TENM1: variants seen among roughly 807,000 people sequenced by gnomAD.
The protein encoded by TENM1 is teneurin transmembrane protein 1, also known as teneurin-1.
Under a neutral mutation model 174.8 loss-of-function variants are expected in TENM1, and 35 were observed. The observed-to-expected ratio is 0.20, with a 90% CI of 0.15 to 0.27. The LOEUF (loss-of-function observed/expected upper bound fraction) is 0.27, where lower values mean the gene tolerates loss of function less well. Among genes scored for constraint, TENM1 ranks in the 10% least tolerant of loss-of-function variants. The pLI is 1.00. For missense variants in TENM1, 1,633 were observed against 2,130.1 expected (o/e 0.77, Z 4.59); for synonymous variants, 781 against 798.7 (o/e 0.98, Z 0.37).
At chrX:124,420,696 C>T in exon 25 of TENM1, 1 of 1,211,674 alleles carries the variant, frequency 8.3e-7, no homozygotes, top group Non-Finnish European at 1.1e-6. Flanking sequence ...TTCAGGTGGG[C>T]TTGGTTCCTG....
chrX:125,185,833 G>A, the TENM1 span, among the ~76,000 whole-genome samples: 1 of 112,155 alleles, frequency 8.9e-6, no homozygotes, highest in African/African-American at 3.2e-5. Flanking sequence ...TGAGGGTTGT[G>A]AATATAAGAA....
At chrX:125,003,117 T>C in the TENM1 span, among the ~76,000 whole-genome samples, 5 of 111,726 alleles carry the variant, frequency 4.5e-5, no homozygotes, top group Non-Finnish European at 9.4e-5. Context: ...ATGTCAGTAT[T>C]AGAAATGGCC....
At chrX:124,602,812 A>G (rs1309029901) in intron 11 of TENM1, among the ~76,000 whole-genome samples, 1 of 111,561 alleles carries the variant, frequency 9.0e-6, no homozygotes, top group Non-Finnish European at 1.9e-5. Context: ...GAAACTGAAG[A>G]TGTCTTACCA....
intron 20 of TENM1, among the ~76,000 whole-genome samples, chrX:124,489,394 T>A (rs778236440): frequency 8.9e-6 from 1 of 112,361 alleles, no homozygotes; most frequent in South Asian, 3.7e-4. Context: ...TACCATAAAA[T>A]TCACCCTTCT....
At chrX:124,564,605 G>T (rs749299662) in intron 12 of TENM1, among the ~76,000 whole-genome samples, 15 of 111,564 alleles carry the variant, frequency 1.3e-4, no homozygotes, top group Middle Eastern at 4.7e-3. Flanking sequence ...ACCTTTCTAT[G>T]CAAAGATTTC....
At chrX:124,773,988 G>A (rs967561254) in intron 3 of TENM1, among the ~76,000 whole-genome samples, 5 of 111,597 alleles carry the variant, frequency 4.5e-5, no homozygotes, top group African/African-American at 1.3e-4. Flanking sequence ...ATGCAAATAA[G>A]ATCACAACCT....
chrX:124,414,490 G>A (rs1048305340), intron 25 of TENM1, among the ~76,000 whole-genome samples: 25 of 110,000 alleles, frequency 2.3e-4, no homozygotes, highest in Admixed American at 6.8e-4. Flanking sequence ...CACCTGTGCC[G>A]CCTCAGGCCA....
At chrX:124,471,260 TAATATATAGTAC>T (rs1481779097) in intron 22 of TENM1, among the ~76,000 whole-genome samples, 1 of 60,558 alleles carries the variant, frequency 1.7e-5, no homozygotes, top group Non-Finnish European at 2.7e-5. Context: ...ATATATATTA[TAATATATAGTAC>T]TATATATAAT....
chrX:125,025,260 G>T, the TENM1 span, among the ~76,000 whole-genome samples: 4 of 110,385 alleles, frequency 3.6e-5, no homozygotes, highest in Non-Finnish European at 7.6e-5. Context: ...ATACTATTGT[G>T]TTTTTCTGGG....
At chrX:124,649,112 A>C (rs1297538637) in intron 8 of TENM1, among the ~76,000 whole-genome samples, 1 of 112,169 alleles carries the variant, frequency 8.9e-6, no homozygotes, top group East Asian at 2.8e-4. Flanking sequence ...GTGTTTTTCT[A>C]TTTATGTTGG....
chrX:124,541,959 C>T (rs1232824368), intron 15 of TENM1, among the ~76,000 whole-genome samples: 1 of 111,901 alleles, frequency 8.9e-6, no homozygotes, highest in African/African-American at 3.2e-5. Flanking sequence ...CTCTTGGAGC[C>T]CTAGGCTACC....
intron 22 of TENM1, among the ~76,000 whole-genome samples, chrX:124,476,490 A>G (rs778191276): frequency 8.9e-6 from 1 of 111,924 alleles, no homozygotes; most frequent in Admixed American, 9.5e-5. Context: ...GGCTGTTTGC[A>G]CTTGTCTGGA....
rs201897827 is a variant in TENM1 at position 124,817,618 on chromosome X, TA to T, written c.535+76677del. Among the ~76,000 whole-genome samples the T allele has an allele frequency of 4.3e-3, 477 of 111,646 alleles. 2 individuals carry two copies. Among genetic ancestry groups the T allele is most frequent in the African/African-American group, 0.014 (443 of 30,734 alleles). On this transcript the variant is annotated intron_variant, in intron 3 of 31. Transcript: ENST00000422452. ...AGAGGAAACTAAGGCTCTGAGATGT[TA>T]AGAAACTTGCCCAAATTACACAGCA...
At chrX:124,412,389 G>A (rs746111397) in intron 25 of TENM1, among the ~76,000 whole-genome samples, 1 of 112,553 alleles carries the variant, frequency 8.9e-6, no homozygotes, top group African/African-American at 3.2e-5. Flanking sequence ...AAATATATTT[G>A]GCCTGGTATT....
At chrX:125,200,678 A>G in the TENM1 span, among the ~76,000 whole-genome samples, 5 of 106,709 alleles carry the variant, frequency 4.7e-5, no homozygotes, top group Non-Finnish European at 7.8e-5. Context: ...AGAGAGAGAG[A>G]ACAAATATGA....
At chrX:124,993,321 T>A in the TENM1 span, among the ~76,000 whole-genome samples, 17 of 111,036 alleles carry the variant, frequency 1.5e-4, no homozygotes, top group Non-Finnish European at 3.0e-4. Flanking sequence ...TCGATTAAAA[T>A]TTTTACTTTT....
chrX:124,431,357 T>C (rs1256615746), intron 23 of TENM1, among the ~76,000 whole-genome samples: 2 of 112,036 alleles, frequency 1.8e-5, no homozygotes, highest in Non-Finnish European at 3.8e-5. Flanking sequence ...AAAAAATGAC[T>C]CTGTTTGATT....
At chrX:124,449,189 T>C (rs1446649020) in intron 23 of TENM1, among the ~76,000 whole-genome samples, 1 of 111,268 alleles carries the variant, frequency 9.0e-6, no homozygotes, top group African/African-American at 3.3e-5. Context: ...CTCCCCTGCC[T>C]CCAAAAAAAT....
At chrX:124,395,299 C>T (rs1031377709) in intron 27 of TENM1, among the ~76,000 whole-genome samples, 2 of 111,379 alleles carry the variant, frequency 1.8e-5, no homozygotes, top group African/African-American at 6.5e-5. Flanking sequence ...AAATTGTCTG[C>T]TCATGATATT....
Sources: gnomAD v4.1 joint callset for allele counts (sites outside exome capture counted in the v4.1 genomes callset) on GRCh38, gnomAD v4.1.1 for gene constraint, MANE v1.5 for transcripts, NCBI Gene and HGNC (gene_info 2026-07-23, HGNC 2026-07-21) for gene names.